Variants in TTLL4 observed in about 807,000 individuals in gnomAD.
TTLL4 encodes tubulin monoglutamylase TTLL4.
A neutral mutation model predicts 122.7 loss-of-function variants in TTLL4; 85 were observed. The observed-to-expected ratio is 0.69, with a 90% CI of 0.58 to 0.83. The LOEUF is 0.83. Ranked by LOEUF, TTLL4 falls within the 40% of genes least tolerant of loss-of-function variation. The pLI, the probability that TTLL4 is intolerant of heterozygous loss-of-function variation, is 0.00. For synonymous variants in TTLL4, 553 were observed against 563.0 expected (o/e 0.98, Z 0.25); for missense variants, 1,363 against 1,488.6 (o/e 0.92, Z 1.39).
rs1303647396 is a variant in TTLL4, at chr2:218,740,511, C to T, written c.1598-10C>T. ...TCTAGTCAGAATTTCTCTGTTCTTC[C>T]TTCCTCTAGGAGACTCAGAGTGCTC... On this transcript the variant is annotated splice_polypyrimidine_tract_variant and intron_variant, in intron 4 of 19. Coordinates refer to ENST00000392102, the MANE Select transcript of TTLL4 (RefSeq NM_014640.5). 3.7e-6 allele frequency: 6 copies of T among 1,614,154 alleles called. No individual in the cohort carries two copies. The Admixed American group carries it at 5.0e-5, about 13-fold the overall frequency.
intron 16 of TTLL4, among the ~76,000 whole-genome samples, chr2:218,752,159 C>T (rs1357939869): frequency 4.6e-5 from 7 of 152,148 alleles, no homozygotes; most frequent in South Asian, 2.1e-4. Flanking sequence ...CCGCCTGCCT[C>T]GGCCTCCCGA....
At chr2:218,749,445 A>G in intron 14 of TTLL4, 58 bp downstream of exon 14, 1 of 1,572,600 alleles carries the variant, frequency 6.4e-7, no homozygotes, top group Admixed American at 1.9e-5. Flanking sequence ...TCACGCTCCC[A>G]TTGCCACTCC....
chr2:218,739,145 C>T lies in TTLL4; in HGVS notation c.1469C>T (p.Ser490Leu), dbSNP rs1942629060. 2 of 1,612,920 alleles carry T rather than the reference C, an allele frequency of 1.2e-6. No individual in the cohort carries two copies. Among genetic ancestry groups the T allele is most frequent in the Non-Finnish European group, 1.7e-6 (2 of 1,179,884 alleles). Reference sequence around the variant, plus strand: ...CCTGAGGAGGCCAGGGAGCTGGACTCATCTGATAGGGATATTAGGTATGTT... The same window carrying T: ...CCTGAGGAGGCCAGGGAGCTGGACTTATCTGATAGGGATATTAGGTATGTT... ...ERPEEARELD[S>L]SDRDISSATD... is the part of the protein sequence containing the mutation. The change falls in exon 3 of 20, where the codon TCA becomes TTA. Residue 490 changes from serine (S) to leucine (L), a missense_variant. Coordinates refer to ENST00000392102, the MANE Select transcript of TTLL4 (RefSeq NM_014640.5).
At chr2:218,713,577 G>A (rs1398984556) in intron 1 of TTLL4, among the ~76,000 whole-genome samples, 1 of 152,120 alleles carries the variant, frequency 6.6e-6, no homozygotes, top group African/African-American at 2.4e-5. Flanking sequence ...ACTGTGTCTG[G>A]CCTAGACGTT....
Position 218,738,719 on chromosome 2 carries a change from T to C in TTLL4, c.1043T>C (p.Phe348Ser). The change falls in exon 3 of 20, where the codon TTT becomes TCT. Residue 348 changes from phenylalanine to serine, a missense_variant. This residue lies in a region of TTLL4 where 760 missense variants were observed against 808.4 expected (regional missense o/e 0.94). Transcript: ENST00000392102. ...EAVRKLTARGFEKMPRQGCQL... is the reference protein window; with the variant it reads ...EAVRKLTARGSEKMPRQGCQL... ...GTGAGGAAATTGACCGCAAGAGGCT[T>C]TGAGAAGATGCCGAGGCAAGGCTGC... The C allele has an allele frequency of 6.2e-7, 1 of 1,614,202 alleles. No homozygotes were observed. The highest frequency in any genetic ancestry group is 8.5e-7 in the Non-Finnish European group (1 of 1,180,040).
downstream of TTLL4, among the ~76,000 whole-genome samples, chr2:218,759,181 G>A (rs1445458747): frequency 2.6e-5 from 4 of 152,144 alleles, no homozygotes; most frequent in Non-Finnish European, 5.9e-5. Context: ...GAGGCAGAAG[G>A]TTGCGGTGAG....
Position 218,738,350 on chromosome 2 carries a change from C to T in TTLL4, c.674C>T (p.Pro225Leu). 1 of 1,614,148 alleles carries T rather than the reference C, an allele frequency of 6.2e-7. No individual in the cohort carries two copies. The highest frequency in any genetic ancestry group is 8.5e-7 in the Non-Finnish European group (1 of 1,180,036). The change falls in exon 3 of 20, where the codon CCA (proline) becomes CTA (leucine). Residue 225 changes from proline to leucine, a missense_variant. Pro to Leu is a moderately conservative substitution (Grantham distance 98). Around this residue, in one of 3 missense-constraint regions of TTLL4, gnomAD observed 760 missense variants for 808.4 expected, o/e 0.94. Transcript: ENST00000392102. ...CTGAATAATAATTCCTTCATGTGGC[C>T]AAATAGCACGCCAGTGCCTTTATTG... ...PMLNNNSFMW[P>L]NSTPVPLLQT...
intron 2 of TTLL4, among the ~76,000 whole-genome samples, chr2:218,731,713 C>T (rs568345828): frequency 1.7e-4 from 26 of 152,316 alleles, no homozygotes; most frequent in Middle Eastern, 3.4e-3. Context: ...ATGGTACTTC[C>T]TTTCTCTTGT....
chr2:218,742,688 A>G (rs77861812), intron 5 of TTLL4, among the ~76,000 whole-genome samples: 6,376 of 152,266 alleles, frequency 0.042, 367 homozygotes, highest in African/African-American at 0.14. Flanking sequence ...TATTGAGATA[A>G]TTATAGATTT....
chr2:218,732,873 A>G (rs539495556), intron 2 of TTLL4, among the ~76,000 whole-genome samples: 4 of 152,238 alleles, frequency 2.6e-5, no homozygotes, highest in African/African-American at 9.6e-5. Flanking sequence ...TTTAGCAACC[A>G]TCATTTCCCT....
At chr2:218,751,500 G>A (rs1943012703) in intron 15 of TTLL4, 1 of 554,084 alleles carries the variant, frequency 1.8e-6, no homozygotes, top group Non-Finnish European at 2.3e-6. Flanking sequence ...CTGGTGGTTT[G>A]TATCCTTTTA....
chr2:218,749,910 G>A (rs13031858), intron 14 of TTLL4, 99 bp from the exon 15 acceptor site: 2 of 1,484,380 alleles, frequency 1.3e-6, no homozygotes, highest in African/African-American at 2.8e-5. Flanking sequence ...TCATCTTAGG[G>A]AAGCCAGGAA....
chr2:218,730,334 A>C lies in TTLL4; in HGVS notation c.-99+2987A>C, dbSNP rs1470536826. On this transcript the variant is annotated intron_variant, in intron 2 of 19. Transcript: ENST00000392102. ...TCCAAAAAAAAAAAAAAAAAAAAAA[A>C]AAAAAAAAAAAAAAAGAAAAAAAAT... Among the ~76,000 whole-genome samples the C allele has an allele frequency of 5.6e-3, 796 of 141,608 alleles. 30 individuals are homozygous for C. Among genetic ancestry groups the C allele is most frequent in the African/African-American group, 0.02 (749 of 38,028 alleles). The allele number at this position is 141,608 out of a possible 152,430, so 92.9% of individuals were successfully genotyped here. A position where few individuals can be genotyped will look rare whatever the true frequency, so the allele number is the denominator to read the frequency against.
chr2:218,715,686 G>A (rs552195734), intron 1 of TTLL4, among the ~76,000 whole-genome samples: 2 of 152,134 alleles, frequency 1.3e-5, no homozygotes, highest in South Asian at 4.2e-4. Flanking sequence ...CTGGAGTGCA[G>A]TGGCGCAATC....
At chr2:218,725,756 G>A (rs746378753) in intron 1 of TTLL4, among the ~76,000 whole-genome samples, 9 of 151,524 alleles carry the variant, frequency 5.9e-5, no homozygotes, top group South Asian at 2.1e-4. Flanking sequence ...GGGTTTCACC[G>A]TGTTGGCCAG....
rs1268312676 is a variant in TTLL4 at position 218,746,305 on chromosome 2, G to C, written c.1974+74G>C. 2.0e-5 allele frequency: 30 copies of C among 1,518,748 alleles called. No homozygotes were observed. The East Asian group carries it at 6.3e-4, about 32-fold the overall frequency. The allele number at this position is 1,518,748 out of a possible 1,614,324, so 94.1% of individuals were successfully genotyped here. A position where few individuals can be genotyped will look rare whatever the true frequency, so the allele number is the denominator to read the frequency against. On this transcript the variant is annotated intron_variant, in intron 8 of 19. Transcript: ENST00000392102. ...AAGAGGAGGGGGATGATGTGAGTAGGGGGTAGGGGGCGGGAAGAGGATGAT... is the reference window on the plus strand; with the variant it reads ...AAGAGGAGGGGGATGATGTGAGTAGCGGGTAGGGGGCGGGAAGAGGATGAT...
chr2:218,722,535 G>A (rs957768382), intron 1 of TTLL4, among the ~76,000 whole-genome samples: 7 of 152,138 alleles, frequency 4.6e-5, no homozygotes, highest in Non-Finnish European at 8.8e-5. Context: ...AAAGAACTAA[G>A]CCAGCCATTC....
At position 218,745,742 on chromosome 2, in the gene TTLL4, C is replaced by T; in HGVS notation, c.1838C>T (p.Thr613Ile). The T allele has an allele frequency of 6.2e-7, 1 of 1,613,554 alleles. No homozygotes were observed. Among genetic ancestry groups the T allele is most frequent in the Non-Finnish European group, 8.5e-7 (1 of 1,179,842 alleles). The change falls in exon 7 of 20, where the codon ACA (threonine) becomes ATA (isoleucine). Residue 613 changes from threonine (T) to isoleucine (I), a missense_variant. Thr to Ile is a moderately conservative substitution (Grantham distance 89). Around this residue, in one of 3 missense-constraint regions of TTLL4, gnomAD observed 760 missense variants for 808.4 expected, o/e 0.94. Coordinates refer to ENST00000392102, the MANE Select transcript of TTLL4 (RefSeq NM_014640.5). ...QRKLLRWKMS[T>I]VTPNIVKQTI... ...AAGTTGCTCCGATGGAAGATGAGCA[C>T]AGTGACCCCCAACATTGTCAAGCAG...
intron 1 of TTLL4, among the ~76,000 whole-genome samples, chr2:218,718,555 T>C (rs866838831): frequency 3.0e-4 from 45 of 152,206 alleles, no homozygotes; most frequent in Middle Eastern, 3.4e-3. Flanking sequence ...GTTTTGTATT[T>C]TTAGTAGAAA....
Sources: gnomAD v4.1 joint callset for allele counts (sites outside exome capture counted in the v4.1 genomes callset) on GRCh38, gnomAD v4.1.1 for gene constraint, gnomAD v4.1.1 regional missense constraint, MANE v1.5 for transcripts, NCBI Gene and HGNC (gene_info 2026-07-23, HGNC 2026-07-21) for gene names.